LMNTD1: variants seen among roughly 807,000 people sequenced by gnomAD.
The protein encoded by LMNTD1 is lamin tail domain-containing protein 1.
Under a neutral mutation model 50.9 loss-of-function variants are expected in LMNTD1, and 35 were observed. The observed-to-expected ratio is 0.69, with a 90% CI of 0.53 to 0.91. The LOEUF (loss-of-function observed/expected upper bound fraction) is 0.91. LMNTD1 is among the 40% of genes least tolerant of loss of function. The pLI is 0.00. For missense variants in LMNTD1, 470 were observed against 475.5 expected (o/e 0.99, Z 0.11); for synonymous variants, 153 against 161.9 (o/e 0.94, Z 0.42).
At chr12:25,603,099 G>T (rs780763586) in intron 1 of LMNTD1, among the ~76,000 whole-genome samples, 4 of 151,936 alleles carry the variant, frequency 2.6e-5, no homozygotes, top group Non-Finnish European at 5.9e-5. Flanking sequence ...AGTCTTGCCA[G>T]GATTCATTGC....
intron 1 of LMNTD1, among the ~76,000 whole-genome samples, chr12:25,590,465 A>G (rs1945663225): frequency 6.6e-6 from 1 of 152,178 alleles, no homozygotes; most frequent in South Asian, 2.1e-4. Context: ...CTTGAAAGAC[A>G]GTCTAGGCCA....
chr12:25,625,084 CAG>C (rs1294547124), intron 1 of LMNTD1, among the ~76,000 whole-genome samples: 2 of 152,152 alleles, frequency 1.3e-5, no homozygotes, highest in East Asian at 3.8e-4. Flanking sequence ...TATGTCAGAG[CAG>C]AGTGTTAATG....
Position 25,493,336 on chromosome 12 carries a change from A to G in LMNTD1, c.*22+10402T>C, listed in dbSNP as rs372315943. On this transcript the variant is annotated intron_variant, in intron 9 of 9. Coordinates refer to ENST00000458174, the MANE Select transcript of LMNTD1 (RefSeq NM_001145728.2). Reference sequence around the variant, plus strand: ...AACAAAACTACAAGCCCTTCACAGTATATCTCCAGCTAATCCCACTGGATT... The same window carrying G: ...AACAAAACTACAAGCCCTTCACAGTGTATCTCCAGCTAATCCCACTGGATT... 4.6e-5 allele frequency among the ~76,000 whole-genome samples: 7 copies of G among 152,352 alleles called. 1 individual carries two copies. The East Asian group carries it at 7.7e-4, about 17-fold the overall frequency.
intron 1 of LMNTD1, among the ~76,000 whole-genome samples, chr12:25,590,456 T>C (rs1945662930): frequency 2.0e-5 from 3 of 152,072 alleles, no homozygotes; most frequent in Admixed American, 2.0e-4. Context: ...CTTAATAAAC[T>C]TGAAAGACAG....
chr12:25,609,999 C>T (rs1340842419), intron 1 of LMNTD1, among the ~76,000 whole-genome samples: 2 of 152,212 alleles, frequency 1.3e-5, no homozygotes, highest in Admixed American at 6.5e-5. Flanking sequence ...GTGGGCCCCA[C>T]CGAGTTCAAG....
intron 8 of LMNTD1, among the ~76,000 whole-genome samples, chr12:25,515,153 T>A (rs1450083505): frequency 6.6e-6 from 1 of 151,884 alleles, no homozygotes; most frequent in Admixed American, 6.6e-5. Flanking sequence ...GCCGTAGACA[T>A]AACATTTTCT....
chr12:25,621,137 C>T (rs1159913761), intron 1 of LMNTD1, among the ~76,000 whole-genome samples: 2 of 152,164 alleles, frequency 1.3e-5, no homozygotes, highest in Non-Finnish European at 2.9e-5. Context: ...ATTCCAAGGG[C>T]CTAGAACAGT....
rs1320241953 is a variant in LMNTD1, at chr12:25,541,240, T to C, written c.491+5134A>G. ...GGAAAAAACTACTTTAAAGTTCATA[T>C]GGAACCAAAAAAGAGCCCGCATCAC... is the stretch of plus-strand genomic sequence containing the variant. On this transcript the variant is annotated intron_variant, in intron 4 of 9. Transcript: ENST00000458174. 3.7e-5 allele frequency among the ~76,000 whole-genome samples: 3 copies of C among 81,316 alleles called. No homozygotes were observed. In the Admixed American group the frequency reaches 4.5e-4, roughly 12 times the overall value. 53.3% of individuals were successfully genotyped at this position (81,316 alleles called of 152,430 possible). A position where few individuals can be genotyped will look rare whatever the true frequency, so the allele number is the denominator to read the frequency against.
chr12:25,612,328 A>ACACACGTG (rs34069424), intron 1 of LMNTD1, among the ~76,000 whole-genome samples: 1 of 146,418 alleles, frequency 6.8e-6, no homozygotes, highest in Non-Finnish European at 1.5e-5. Flanking sequence ...ACACACACAC[A>ACACACGTG]CGCGCTCCCA....
Position 25,520,068 on chromosome 12 carries a change from G to C in LMNTD1, c.806C>G (p.Ala269Gly). 6.2e-7 allele frequency: 1 copy of C among 1,602,570 alleles called. No individual in the cohort carries two copies. Among genetic ancestry groups the C allele is most frequent in the Non-Finnish European group, 8.5e-7 (1 of 1,174,176 alleles). ...ILCKPNGQAI[A>G]WYTPIHWKQA... ...CTTCCAGTGGATAGGGGTGTACCAC[G>C]CAATGGCCTAATGAAAATGATTTAT... The change falls in exon 7 of 10, where the codon GCG (alanine) becomes GGG (glycine). Residue 269 changes from alanine to glycine, a missense_variant. Ala to Gly is a moderately conservative substitution (Grantham distance 60). Coordinates refer to ENST00000458174, the MANE Select transcript of LMNTD1 (RefSeq NM_001145728.2).
intron 9 of LMNTD1, among the ~76,000 whole-genome samples, chr12:25,501,354 T>A (rs1444904539): frequency 1.3e-5 from 2 of 152,160 alleles, no homozygotes; most frequent in African/African-American, 4.8e-5. Context: ...TTAGCAATTT[T>A]AGAAGTAGAA....
chr12:25,507,401 G>A (rs1192764771), intron 8 of LMNTD1, among the ~76,000 whole-genome samples: 2 of 152,206 alleles, frequency 1.3e-5, no homozygotes, highest in Non-Finnish European at 1.5e-5. Context: ...AGCCTATTAA[G>A]GGAAACTAAA....
Position 25,546,484 on chromosome 12 carries a change from G to A in LMNTD1, c.381C>T (p.Phe127=). Residue 127 remains phenylalanine (F), a synonymous_variant, in exon 4 of 10, where the codon TTC becomes TTT. Transcript: ENST00000458174. ...TCTTTGAATCACCAAACAAAGAAAG[G>A]AAATAATCTTCTCCATCCCCAATCA... The part of the protein sequence containing the change: ...SPMIGDGEDY[F]LSLFGDSKKL... 2 of 1,600,344 alleles carry A rather than the reference G, an allele frequency of 1.2e-6. No individual in the cohort carries two copies. The highest frequency in any genetic ancestry group is 1.3e-5 in the African/African-American group (1 of 74,378).
At chr12:25,501,021 A>G (rs1244074138) in intron 9 of LMNTD1, among the ~76,000 whole-genome samples, 1 of 152,072 alleles carries the variant, frequency 6.6e-6, no homozygotes, top group African/African-American at 2.4e-5. Context: ...ACAGAGGCTC[A>G]CTCTGTTGCC....
chr12:25,523,867 A>C (rs1397615287), intron 6 of LMNTD1, among the ~76,000 whole-genome samples: 6 of 150,280 alleles, frequency 4.0e-5, no homozygotes, highest in Non-Finnish European at 7.4e-5. Flanking sequence ...GGCAGGTAGG[A>C]TTTAATAGGT....
intron 1 of LMNTD1, among the ~76,000 whole-genome samples, chr12:25,596,148 AAAG>A (rs966885124): frequency 2.6e-5 from 4 of 151,624 alleles, no homozygotes; most frequent in African/African-American, 7.2e-5. Context: ...CACAGCACTC[AAAG>A]AAGAATTGGT....
intron 1 of LMNTD1, among the ~76,000 whole-genome samples, chr12:25,642,962 A>T (rs757551483): frequency 7.2e-5 from 11 of 152,226 alleles, no homozygotes; most frequent in Non-Finnish European, 1.6e-4. Flanking sequence ...TCGATATTAG[A>T]GGTCAGTATG....
At chr12:25,608,269 A>T (rs1946161753) in intron 1 of LMNTD1, among the ~76,000 whole-genome samples, 1 of 152,104 alleles carries the variant, frequency 6.6e-6, no homozygotes, top group Admixed American at 6.6e-5. Context: ...ACACTGATGG[A>T]TCTTGACTCT....
intron 4 of LMNTD1, among the ~76,000 whole-genome samples, chr12:25,541,419 T>C (rs1591964264): frequency 6.9e-6 from 1 of 144,486 alleles, no homozygotes. Flanking sequence ...TAACGCCACA[T>C]ATCTACAACT....
Sources: gnomAD v4.1 joint callset for allele counts (sites outside exome capture counted in the v4.1 genomes callset) on GRCh38, gnomAD v4.1.1 for gene constraint, MANE v1.5 for transcripts, NCBI Gene and HGNC (gene_info 2026-07-23, HGNC 2026-07-21) for gene names.